CDH18: variants seen among roughly 807,000 people sequenced by gnomAD.
The protein encoded by CDH18 is cadherin 18.
In CDH18, 31 loss-of-function variants were observed where a neutral mutation model predicts 67.9. The ratio of observed to expected loss-of-function variants is 0.46; its 90% CI spans 0.34 to 0.62. CDH18 has a LOEUF of 0.62. CDH18 is among the 20% of genes least tolerant of loss of function. The pLI is 0.01. For missense variants in CDH18, 890 were observed against 975.5 expected (o/e 0.91, Z 1.17); for synonymous variants, 362 against 347.2 (o/e 1.04, Z -0.48).
chr5:19,613,897 A>G (rs975606772), intron 5 of CDH18, among the ~76,000 whole-genome samples: 34 of 152,132 alleles, frequency 2.2e-4, no homozygotes, highest in African/African-American at 6.3e-4. Flanking sequence ...ATATAAACAT[A>G]TTTGATCCTT....
At chr5:19,722,132 C>T (rs1766180159) in intron 4 of CDH18, among the ~76,000 whole-genome samples, 1 of 152,112 alleles carries the variant, frequency 6.6e-6, no homozygotes, top group African/African-American at 2.4e-5. Flanking sequence ...TGGCTCACTG[C>T]AACTTCTGCC....
chr5:20,508,862 CTA>C (rs1424322254), intron 1 of CDH18, among the ~76,000 whole-genome samples: 2 of 152,014 alleles, frequency 1.3e-5, no homozygotes, highest in South Asian at 2.1e-4. Context: ...TTTTATCATT[CTA>C]TCTCTGCCCA....
At chr5:19,588,050 T>G (rs2150012669) in intron 7 of CDH18, among the ~76,000 whole-genome samples, 1 of 152,234 alleles carries the variant, frequency 6.6e-6, no homozygotes, top group East Asian at 1.9e-4. Context: ...TTTGTGGTGA[T>G]TGTGAATGAG....
chr5:20,040,909 A>T (rs2150472048), intron 2 of CDH18, among the ~76,000 whole-genome samples: 1 of 152,342 alleles, frequency 6.6e-6, no homozygotes, highest in Non-Finnish European at 1.5e-5. Flanking sequence ...TTACTGTTCC[A>T]CATTGCACAC....
At chr5:20,239,410 C>T (rs1393294359) in intron 2 of CDH18, among the ~76,000 whole-genome samples, 3 of 152,172 alleles carry the variant, frequency 2.0e-5, no homozygotes, top group African/African-American at 7.2e-5. Flanking sequence ...AAGCCAAGAT[C>T]ATGCTACTGC....
At chr5:19,791,358 C>T (rs1332960075) in intron 3 of CDH18, among the ~76,000 whole-genome samples, 3 of 143,536 alleles carry the variant, frequency 2.1e-5, no homozygotes, top group African/African-American at 8.1e-5. Flanking sequence ...GACTTTTAAA[C>T]ACACACACAC....
intron 1 of CDH18, among the ~76,000 whole-genome samples, chr5:20,411,386 A>AT (rs1746759782): frequency 7.8e-6 from 1 of 127,564 alleles, no homozygotes. Context: ...AGAAAACAGA[A>AT]TATTATATAC....
chr5:20,550,082 A>G (rs1412442437), intron 1 of CDH18, among the ~76,000 whole-genome samples: 1 of 152,134 alleles, frequency 6.6e-6, no homozygotes, highest in African/African-American at 2.4e-5. Context: ...AAACTCTCTC[A>G]TATAAGACAA....
chr5:19,935,795 ACTCTCTCTCTCTCTCT>A (rs70954623), intron 2 of CDH18, among the ~76,000 whole-genome samples: 11 of 117,356 alleles, frequency 9.4e-5, no homozygotes, highest in African/African-American at 3.1e-4. Context: ...ACAGTCAGGA[ACTCTCTCTCTCTCTCT>A]CTCTCTCTCT....
At chr5:19,640,829 T>TA (rs1415901598) in intron 5 of CDH18, among the ~76,000 whole-genome samples, 5 of 149,870 alleles carry the variant, frequency 3.3e-5, no homozygotes, top group African/African-American at 4.9e-5. Context: ...GTTGGCAGAA[T>TA]AAAAAAAATA....
At chr5:19,948,983 A>G (rs550593589) in intron 2 of CDH18, among the ~76,000 whole-genome samples, 1 of 152,338 alleles carries the variant, frequency 6.6e-6, no homozygotes, top group Admixed American at 6.5e-5. Flanking sequence ...ACTCTAAACA[A>G]TAGATCAACT....
At chr5:19,896,538 C>T (rs1190611618) in intron 2 of CDH18, among the ~76,000 whole-genome samples, 3 of 152,056 alleles carry the variant, frequency 2.0e-5, no homozygotes, top group Admixed American at 2.0e-4. Context: ...AGCTGGAAGG[C>T]CAAAGAACAG....
intron 2 of CDH18, among the ~76,000 whole-genome samples, chr5:19,889,489 G>C (rs1244949158): frequency 1.4e-5 from 2 of 148,080 alleles, no homozygotes; most frequent in African/African-American, 5.3e-5. Context: ...TTTATATTTA[G>C]GGGAGACTCT....
At chr5:19,837,911 A>C (rs1781862317) in intron 3 of CDH18, among the ~76,000 whole-genome samples, 1 of 152,122 alleles carries the variant, frequency 6.6e-6, no homozygotes, top group South Asian at 2.1e-4. Context: ...ACTTCCAAAA[A>C]CCAGTAATTA....
At chr5:19,767,273 G>A (rs1252020425) in intron 3 of CDH18, among the ~76,000 whole-genome samples, 1 of 151,806 alleles carries the variant, frequency 6.6e-6, no homozygotes, top group Admixed American at 6.6e-5. Flanking sequence ...GGTTTTATAA[G>A]GTCACAAATA....
At chr5:20,396,825 A>G (rs1421218818) in intron 1 of CDH18, among the ~76,000 whole-genome samples, 1 of 152,162 alleles carries the variant, frequency 6.6e-6, no homozygotes, top group Non-Finnish European at 1.5e-5. Context: ...GAATTAAAAT[A>G]TGTTTTGAAA....
intron 1 of CDH18, among the ~76,000 whole-genome samples, chr5:20,281,944 G>T (rs1244834645): frequency 6.6e-6 from 1 of 152,006 alleles, no homozygotes; most frequent in South Asian, 2.1e-4. Context: ...TTGTAAGTTG[G>T]ATTCCTAGGT....
At chr5:20,199,289 A>G (rs10473337) in intron 2 of CDH18, among the ~76,000 whole-genome samples, 108,255 of 152,170 alleles carry the variant, frequency 0.71, 39,511 homozygotes, top group African/African-American at 0.89. Context: ...AGCTGCCCAA[A>G]GCCATGGAAA....
At chr5:20,095,508 AGGAT>A (rs1353610772) in intron 2 of CDH18, among the ~76,000 whole-genome samples, 49 of 126,946 alleles carry the variant, frequency 3.9e-4, no homozygotes, top group African/African-American at 1.4e-3. Context: ...GGAGGGAGGG[AGGAT>A]GGAAGGAAGG....
Sources: allele counts gnomAD v4.1 joint callset (sites outside exome capture counted in the v4.1 genomes callset), GRCh38; gene constraint gnomAD v4.1.1; transcripts MANE v1.5; gene names NCBI Gene and HGNC (gene_info 2026-07-23, HGNC 2026-07-21).